GK5: variants seen among roughly 807,000 people sequenced by gnomAD.
GK5 encodes the protein glycerol kinase 5, also known as ATP:glycerol 3-phosphotransferase 5.
A neutral mutation model predicts 77.3 loss-of-function variants in GK5; 39 were observed. The ratio of observed to expected loss-of-function variants is 0.50; its 90% CI spans 0.39 to 0.66. The LOEUF (loss-of-function observed/expected upper bound fraction) is 0.66, where lower values mean the gene tolerates loss of function less well. Among genes scored for constraint, GK5 ranks in the 30% least tolerant of loss-of-function variants. GK5 has a pLI of 0.00. For synonymous variants in GK5, 211 were observed against 208.0 expected, an observed-to-expected ratio of 1.01 and a Z score of -0.13; for missense variants, 487 against 633.8, an observed-to-expected ratio of 0.77 and a Z score of 2.49.
intron 12 of GK5, among the ~76,000 whole-genome samples, chr3:142,173,553 G>A (rs186340744): frequency 2.6e-5 from 4 of 152,012 alleles, no homozygotes; most frequent in Admixed American, 1.3e-4. Context: ...ACATGGTGGC[G>A]GGCGCCTGTA....
At chr3:142,220,520 T>C (rs868838706) in intron 1 of GK5, among the ~76,000 whole-genome samples, 1 of 152,152 alleles carries the variant, frequency 6.6e-6, no homozygotes, top group African/African-American at 2.4e-5. Context: ...CACTGCCTGC[T>C]CAGATTACAC....
intron 11 of GK5, 105 bp downstream of exon 11, chr3:142,181,356 G>T: frequency 1.1e-5 from 6 of 555,406 alleles, no homozygotes; most frequent in South Asian, 3.1e-5. Flanking sequence ...TTTTATTTTA[G>T]TGTTTCATTT....
intron 3 of GK5, among the ~76,000 whole-genome samples, chr3:142,207,311 G>A (rs949345804): frequency 4.6e-5 from 7 of 152,168 alleles, no homozygotes; most frequent in African/African-American, 1.7e-4. Flanking sequence ...TTAGGGTTAA[G>A]ACATACTCCC....
chr3:142,181,568 T>C lies in GK5; in HGVS notation c.944-3A>G, dbSNP rs2063697845. ...CCACCCAATTAATGGATAAAAGCCT[T>C]GCAAAACAAACAACGAATGTTAAGT... On this transcript the variant is annotated splice_polypyrimidine_tract_variant and splice_region_variant and intron_variant, in intron 10 of 15. Coordinates refer to ENST00000392993, the MANE Select transcript of GK5 (RefSeq NM_001039547.3). The C allele has an allele frequency of 6.3e-7, 1 of 1,596,642 alleles. No homozygotes were observed. The highest frequency in any genetic ancestry group is 1.3e-5 in the African/African-American group (1 of 74,278).
At position 142,165,726 on chromosome 3, in the gene GK5, C is replaced by T. The variant is rs746615992; in HGVS notation, c.1486G>A (p.Glu496Lys). Residue 496 changes from glutamate (E) to lysine (K), a missense_variant, in exon 16 of 16, where the codon GAA becomes AAA. This residue lies in a region of GK5 where 65 missense variants were observed against 89.9 expected (regional missense o/e 0.72). Coordinates refer to ENST00000392993, the MANE Select transcript of GK5 (RefSeq NM_001039547.3). Reference sequence around the variant, plus strand: ...TTCTTCTGTGGCTTGAAAACCACTTCACTTTGTCTCAGTTTCTTTAGTTCC... The same window carrying T: ...TTCTTCTGTGGCTTGAAAACCACTTTACTTTGTCTCAGTTTCTTTAGTTCC... ...KEELKKLRQS[E>K]VVFKPQKKCQ... The T allele has an allele frequency of 3.1e-6, 5 of 1,612,522 alleles. No individual in the cohort carries two copies. Among genetic ancestry groups the T allele is most frequent in the Non-Finnish European group, 8.5e-7 (1 of 1,179,140 alleles).
chr3:142,194,243 G>A (rs1057418020), intron 5 of GK5, among the ~76,000 whole-genome samples: 2 of 151,720 alleles, frequency 1.3e-5, no homozygotes, highest in African/African-American at 4.8e-5. Context: ...AAATTAACTG[G>A]GGCCAGGCAC....
chr3:142,195,866 T>TC (rs1237439657), intron 5 of GK5, among the ~76,000 whole-genome samples: 1 of 152,214 alleles, frequency 6.6e-6, no homozygotes, highest in Non-Finnish European at 1.5e-5. Flanking sequence ...TTGTCTATTT[T>TC]CCCCTTCTAT....
At chr3:142,169,672 T>TC (rs2063512607) in intron 15 of GK5, among the ~76,000 whole-genome samples, 1 of 147,388 alleles carries the variant, frequency 6.8e-6, no homozygotes, top group African/African-American at 2.5e-5. Context: ...TACTGTTCTT[T>TC]TTTTTTTTTT....
At chr3:142,192,867 T>C (rs915388756) in intron 5 of GK5, among the ~76,000 whole-genome samples, 3 of 152,024 alleles carry the variant, frequency 2.0e-5, no homozygotes, top group African/African-American at 4.8e-5. Flanking sequence ...CAAAAATACA[T>C]GGAGAAACCT....
chr3:142,174,404 T>C (rs575981513), intron 12 of GK5, among the ~76,000 whole-genome samples: 231 of 152,346 alleles, frequency 1.5e-3, no homozygotes, highest in Admixed American at 3.9e-3. Context: ...TCAGATGGTA[T>C]AGTATCATAA....
chr3:142,183,901 C>T (rs2063729710), intron 9 of GK5, among the ~76,000 whole-genome samples: 2 of 151,934 alleles, frequency 1.3e-5, no homozygotes, highest in African/African-American at 2.4e-5. Flanking sequence ...GCCCGGCCTG[C>T]CTTAGGAATT....
chr3:142,211,725 T>C (rs984916763), intron 3 of GK5, among the ~76,000 whole-genome samples: 3 of 152,132 alleles, frequency 2.0e-5, no homozygotes, highest in Non-Finnish European at 4.4e-5. Flanking sequence ...GCCCACGAGT[T>C]CGAGGCTGCA....
intron 1 of GK5, among the ~76,000 whole-genome samples, chr3:142,217,280 T>C (rs1273568350): frequency 6.6e-6 from 1 of 152,012 alleles, no homozygotes; most frequent in Non-Finnish European, 1.5e-5. Context: ...CAGGACATCA[T>C]GAAGAATGGC....
intron 6 of GK5, 117 bp from the exon 7 acceptor site, chr3:142,186,630 C>CTTTTTT (rs781196956): frequency 4.6e-5 from 12 of 262,456 alleles, no homozygotes; most frequent in East Asian, 1.4e-4. Context: ...TGTGTATTTT[C>CTTTTTT]TTTTTTTTTT....
At chr3:142,171,745 C>T (rs1430015992) in intron 13 of GK5, among the ~76,000 whole-genome samples, 1 of 151,854 alleles carries the variant, frequency 6.6e-6, no homozygotes, top group African/African-American at 2.4e-5. Context: ...TATCTATTAC[C>T]ATTCTACAAA....
chr3:142,199,056 T>G, intron 4 of GK5, 123 bp from the exon 5 acceptor site: 1 of 617,424 alleles, frequency 1.6e-6, no homozygotes, highest in Non-Finnish European at 2.6e-6. Flanking sequence ...AATAGTGTTT[T>G]CTGCAATTAA....
chr3:142,193,129 G>T (rs1192900536), intron 5 of GK5, among the ~76,000 whole-genome samples: 1 of 152,100 alleles, frequency 6.6e-6, no homozygotes, highest in Admixed American at 6.6e-5. Context: ...TTCATTAATT[G>T]TAACAGATGT....
rs548355086 is a variant in GK5, at chr3:142,157,787, T to A, written c.*7835A>T. ...CCCACTTCTCTAGTAATTTCCATCG[T>A]GCAAGAATGTAGAATATAGACTAAT... On this transcript the variant is annotated 3_prime_UTR_variant, in exon 16 of 16. Transcript: ENST00000392993. 2 of 152,262 alleles carry A rather than the reference T, an allele frequency of 1.3e-5. No homozygotes were observed. Among genetic ancestry groups the A allele is most frequent in the East Asian group, 3.9e-4 (2 of 5,188 alleles). 9.4% of individuals were successfully genotyped at this position (152,262 alleles called of 1,614,324 possible).
chr3:142,176,940 C>T (rs541605202), intron 12 of GK5, among the ~76,000 whole-genome samples: 3 of 152,116 alleles, frequency 2.0e-5, no homozygotes, highest in Admixed American at 6.5e-5. Flanking sequence ...GGATTATAGG[C>T]GTGAGCCACC....
Sources: allele counts gnomAD v4.1 joint callset (sites outside exome capture counted in the v4.1 genomes callset), GRCh38; gene constraint gnomAD v4.1.1; regional missense constraint gnomAD v4.1.1; transcripts MANE v1.5; gene names NCBI Gene and HGNC (gene_info 2026-07-23, HGNC 2026-07-21).